BRINP3: variants seen among roughly 807,000 people sequenced by gnomAD.
BRINP3 encodes BMP/retinoic acid inducible neural specific 3, also known as BMP/retinoic acid-inducible neural-specific protein 3.
BRINP3 carries 19 observed loss-of-function variants against 71.0 expected under a neutral mutation model. That is an observed-to-expected ratio of 0.27 (90% CI 0.19 to 0.39). BRINP3 has a LOEUF of 0.39. BRINP3 is among the 10% of genes least tolerant of loss of function. BRINP3 has a pLI of 1.00. For synonymous variants in BRINP3, 380 were observed against 337.7 expected (o/e 1.13, Z -1.37); for missense variants, 959 against 940.8 (o/e 1.02, Z -0.25).
chr1:190,307,256 T>C (rs1001808034), intron 2 of BRINP3, among the ~76,000 whole-genome samples: 10 of 104,188 alleles, frequency 9.6e-5, no homozygotes, highest in African/African-American at 1.8e-4. Context: ...ATTTAAAACA[T>C]TGTTTTTTTT....
chr1:190,176,042 C>G lies in BRINP3; in HGVS notation c.962-15152G>C, dbSNP rs1247515894. Among the ~76,000 whole-genome samples, 17 of 152,250 alleles carry G rather than the reference C, an allele frequency of 1.1e-4. No individual in the cohort carries two copies. The East Asian group carries it at 1.7e-3, about 16-fold the overall frequency. ...ACTGCCTCAGCCTGTAAATGATGCC[C>G]TTTACTTGTATTCACCCTTTATTTT... is the stretch of plus-strand genomic sequence containing the variant. On this transcript the variant is annotated intron_variant, in intron 6 of 7. Coordinates refer to ENST00000367462, the MANE Select transcript of BRINP3 (RefSeq NM_199051.3).
At chr1:190,395,421 A>T (rs1008448407) in intron 2 of BRINP3, among the ~76,000 whole-genome samples, 2 of 151,750 alleles carry the variant, frequency 1.3e-5, no homozygotes, top group Non-Finnish European at 3.0e-5. Context: ...ATGCAATTCA[A>T]TTATTTATTA....
intron 6 of BRINP3, among the ~76,000 whole-genome samples, chr1:190,211,447 C>T (rs550593360): frequency 4.5e-4 from 69 of 152,062 alleles, no homozygotes; most frequent in Non-Finnish European, 8.4e-4. Flanking sequence ...TTCTTAGAGA[C>T]ACTTAATGAA....
At chr1:190,454,546 C>T in intron 2 of BRINP3, 109 bp downstream of exon 2, 2 of 783,558 alleles carry the variant, frequency 2.6e-6, no homozygotes, top group Non-Finnish European at 4.1e-6. Flanking sequence ...TAAATAACAA[C>T]CCTTCTGATA....
intron 6 of BRINP3, among the ~76,000 whole-genome samples, chr1:190,204,239 A>G (rs922059229): frequency 2.0e-5 from 3 of 151,942 alleles, no homozygotes; most frequent in Non-Finnish European, 4.4e-5. Context: ...CTTTCTGTAG[A>G]TAGTTGGTTA....
At chr1:190,460,343 A>T (rs1006453298) in intron 1 of BRINP3, among the ~76,000 whole-genome samples, 2 of 151,290 alleles carry the variant, frequency 1.3e-5, no homozygotes, top group African/African-American at 4.8e-5. Flanking sequence ...TATAATAATT[A>T]TTTTTTGATT....
intron 4 of BRINP3, among the ~76,000 whole-genome samples, chr1:190,263,794 G>A (rs1274627504): frequency 1.3e-5 from 2 of 151,772 alleles, no homozygotes; most frequent in Non-Finnish European, 2.9e-5. Context: ...CACTGTGTTA[G>A]CCAGCATGGT....
chr1:190,252,318 C>G (rs939259791), intron 4 of BRINP3, among the ~76,000 whole-genome samples: 1 of 151,956 alleles, frequency 6.6e-6, no homozygotes, highest in Non-Finnish European at 1.5e-5. Context: ...CACTGGAGAC[C>G]ATGATGTAGA....
intron 2 of BRINP3, among the ~76,000 whole-genome samples, chr1:190,359,252 C>T (rs747776937): frequency 3.9e-5 from 6 of 151,908 alleles, no homozygotes; most frequent in Non-Finnish European, 8.8e-5. Flanking sequence ...GAGGTCTAGC[C>T]TTTTCTCATC....
chr1:190,183,492 CA>C (rs977797592), intron 6 of BRINP3, among the ~76,000 whole-genome samples: 17 of 151,894 alleles, frequency 1.1e-4, no homozygotes, highest in African/African-American at 4.1e-4. Context: ...TTTTAAGTTC[CA>C]AATTTGTCTT....
At chr1:190,184,816 A>G (rs375267000) in intron 6 of BRINP3, among the ~76,000 whole-genome samples, 2 of 152,180 alleles carry the variant, frequency 1.3e-5, no homozygotes, top group African/African-American at 4.8e-5. Context: ...GATGGGATCA[A>G]TCATACCCTA....
intron 6 of BRINP3, among the ~76,000 whole-genome samples, chr1:190,189,524 G>A (rs1264668887): frequency 2.2e-4 from 34 of 151,364 alleles, no homozygotes; most frequent in Admixed American, 2.2e-3. Context: ...TTTTCTGCCT[G>A]TTCAATTCTG....
chr1:190,218,062 G>A (rs550746572), intron 6 of BRINP3, among the ~76,000 whole-genome samples: 17 of 151,422 alleles, frequency 1.1e-4, no homozygotes, highest in Admixed American at 7.9e-4. Flanking sequence ...TAAATTACAC[G>A]AATACAGAAA....
chr1:190,415,257 G>A (rs185840815), intron 2 of BRINP3, among the ~76,000 whole-genome samples: 3 of 152,168 alleles, frequency 2.0e-5, no homozygotes, highest in South Asian at 2.1e-4. Context: ...TGAAGCACAC[G>A]CCTACCTGAA....
At chr1:190,388,092 A>G (rs187878947) in intron 2 of BRINP3, among the ~76,000 whole-genome samples, 43 of 151,966 alleles carry the variant, frequency 2.8e-4, no homozygotes, top group Middle Eastern at 6.8e-3. Flanking sequence ...CCTTCATCAT[A>G]TATGTGCGAG....
intron 3 of BRINP3, among the ~76,000 whole-genome samples, chr1:190,279,096 A>C (rs1662847501): frequency 6.6e-6 from 1 of 151,656 alleles, no homozygotes; most frequent in South Asian, 2.1e-4. Flanking sequence ...GGTGCTTTGA[A>C]TCACTTATAT....
At chr1:190,274,644 CA>C (rs1662394594) in intron 3 of BRINP3, among the ~76,000 whole-genome samples, 1 of 151,714 alleles carries the variant, frequency 6.6e-6, no homozygotes, top group African/African-American at 2.4e-5. Context: ...TAAAGCCTTA[CA>C]ATATTTTTTG....
intron 7 of BRINP3, among the ~76,000 whole-genome samples, chr1:190,128,964 A>G (rs2102344067): frequency 6.6e-6 from 1 of 151,930 alleles, no homozygotes; most frequent in East Asian, 1.9e-4. Flanking sequence ...AATCTTACAG[A>G]TATGTCCAAT....
chr1:190,206,638 C>T (rs1655526173), intron 6 of BRINP3, among the ~76,000 whole-genome samples: 1 of 151,894 alleles, frequency 6.6e-6, no homozygotes, highest in Non-Finnish European at 1.5e-5. Context: ...GCATTGTGCT[C>T]AGAATAAAGG....
Sources: gnomAD v4.1 joint callset for allele counts (sites outside exome capture counted in the v4.1 genomes callset) on GRCh38, gnomAD v4.1.1 for gene constraint, MANE v1.5 for transcripts, NCBI Gene and HGNC (gene_info 2026-07-23, HGNC 2026-07-21) for gene names.